The following VAMP5 variants were observed in gnomAD, a reference collection of about 807,000 sequenced individuals.
The protein encoded by VAMP5 is vesicle associated membrane protein 5.
Under a neutral mutation model 8.1 loss-of-function variants are expected in VAMP5, and 10 were observed. The observed-to-expected ratio is 1.23, with a 90% CI of 0.76 to 2.09. The LOEUF is 2.09. Among genes scored for constraint, VAMP5 ranks in the 30% most tolerant of loss-of-function variants. The pLI, the probability that VAMP5 is intolerant of heterozygous loss-of-function variation, is 0.00. For missense variants in VAMP5, 135 were observed against 152.5 expected, an observed-to-expected ratio of 0.89 and a Z score of 0.60; for synonymous variants, 62 against 60.6, an observed-to-expected ratio of 1.02 and a Z score of -0.11.
At chr2:85,591,566 C>T in intron 1 of VAMP5, 159 bp from the exon 2 acceptor site, 1 of 1,139,938 alleles carries the variant, frequency 8.8e-7, no homozygotes, top group Non-Finnish European at 1.2e-6. Flanking sequence ...CCCCGAAGGC[C>T]AGACCTTCAC....
At chr2:85,590,666 C>T (rs1003415569) in intron 1 of VAMP5, among the ~76,000 whole-genome samples, 3 of 152,162 alleles carry the variant, frequency 2.0e-5, no homozygotes, top group African/African-American at 7.2e-5. Flanking sequence ...GAAGCTTGCC[C>T]TTCTTGTAAG....
chr2:85,589,458 C>T (rs1672509405), intron 1 of VAMP5, among the ~76,000 whole-genome samples: 2 of 152,212 alleles, frequency 1.3e-5, no homozygotes, highest in African/African-American at 4.8e-5. Context: ...CAGATTACAG[C>T]TGGAAGCACA....
At chr2:85,590,753 G>T (rs1464926426) in intron 1 of VAMP5, among the ~76,000 whole-genome samples, 1 of 152,120 alleles carries the variant, frequency 6.6e-6, no homozygotes, top group African/African-American at 2.4e-5. Flanking sequence ...TAATCCACTG[G>T]TATTCATCTC....
intron 1 of VAMP5, among the ~76,000 whole-genome samples, chr2:85,587,531 C>T (rs1037405029): frequency 2.6e-4 from 39 of 151,156 alleles, no homozygotes; most frequent in African/African-American, 9.0e-4. Flanking sequence ...GGATTACAGG[C>T]GTGAGCCACC....
chr2:85,588,398 G>A (rs1672493421), intron 1 of VAMP5, among the ~76,000 whole-genome samples: 1 of 152,118 alleles, frequency 6.6e-6, no homozygotes, highest in Admixed American at 6.5e-5. Flanking sequence ...CCACTCTCTG[G>A]CAATTACACA....
At chr2:85,590,452 T>C (rs919432487) in intron 1 of VAMP5, among the ~76,000 whole-genome samples, 2 of 152,114 alleles carry the variant, frequency 1.3e-5, no homozygotes, top group Non-Finnish European at 2.9e-5. Flanking sequence ...GCTGGGGAGA[T>C]AGGACTCATA....
chr2:85,592,892 TC>T, intron 2 of VAMP5, 55 bp from the exon 3 acceptor site: 1 of 1,595,180 alleles, frequency 6.3e-7, no homozygotes, highest in East Asian at 2.2e-5. Flanking sequence ...AGGAGCTGGC[TC>T]CCAGGCCAAG....
At position 85,593,058 on chromosome 2, in the gene VAMP5, C is replaced by T. The variant is rs1036312006; in HGVS notation, c.252C>T (p.Ile84=). 1 of 1,614,222 alleles carries T rather than the reference C, an allele frequency of 6.2e-7. No homozygotes were observed. Among genetic ancestry groups the T allele is most frequent in the Non-Finnish European group, 8.5e-7 (1 of 1,180,040 alleles). The change falls in exon 3 of 3, where the codon ATC becomes ATT. Residue 84 remains isoleucine (I), a synonymous_variant. Transcript: ENST00000306384. ...TGGTGGTTGGTGTCCTGCTCATCAT[C>T]CTGATTGTGCTGCTGGTCGTCTTTC... ...GLVVVGVLLI[I]LIVLLVVFLP... is the part of the protein sequence containing the mutation.
In VAMP5 at chr2:85,584,478, G is replaced by A. The variant is rs1052625370; in HGVS notation, c.-13G>A. On this transcript the variant is annotated 5_prime_UTR_variant, in exon 1 of 3. Coordinates refer to ENST00000306384, the MANE Select transcript of VAMP5 (RefSeq NM_006634.3). ...AGAAGCCGGGAGCGGGCGAGGCGGC[G>A]GCGGCAGCAGCGATGGTGAGGGCCC... The A allele has an allele frequency of 1.3e-4, 161 of 1,243,082 alleles. 1 individual carries two copies. Among genetic ancestry groups the A allele is most frequent in the African/African-American group, 1.9e-4 (12 of 64,464 alleles). The allele number at this position is 1,243,082 out of a possible 1,614,324, so 77.0% of individuals were successfully genotyped here.
chr2:85,588,022 A>G, intron 1 of VAMP5, among the ~76,000 whole-genome samples: 1 of 151,848 alleles, frequency 6.6e-6, no homozygotes, highest in Non-Finnish European at 1.5e-5. Flanking sequence ...ACAGGGTCTC[A>G]CTCCTTTGCC....
At chr2:85,585,730 G>GGA (rs1325716138) in intron 1 of VAMP5, among the ~76,000 whole-genome samples, 1 of 152,216 alleles carries the variant, frequency 6.6e-6, no homozygotes, top group African/African-American at 2.4e-5. Flanking sequence ...AGTCTGTGGA[G>GGA]GAGAGGCTGG....
chr2:85,588,255 G>T (rs1013987344), intron 1 of VAMP5, among the ~76,000 whole-genome samples: 2 of 152,178 alleles, frequency 1.3e-5, no homozygotes, highest in African/African-American at 4.8e-5. Context: ...AGATGGTGTG[G>T]TTTTGAGAAC....
At chr2:85,588,444 C>G (rs1672493769) in intron 1 of VAMP5, among the ~76,000 whole-genome samples, 1 of 152,134 alleles carries the variant, frequency 6.6e-6, no homozygotes, top group African/African-American at 2.4e-5. Context: ...AAATTCCAAG[C>G]CCTGCAGGCT....
Position 85,584,451 on chromosome 2 carries a change from A to G in VAMP5, c.-40A>G, listed in dbSNP as rs1672433141. 2 of 1,244,240 alleles carry G rather than the reference A, an allele frequency of 1.6e-6. No homozygotes were observed. The highest frequency in any genetic ancestry group is 1.6e-5 in the African/African-American group (1 of 64,480). The allele number at this position is 1,244,240 out of a possible 1,614,324, so 77.1% of individuals were successfully genotyped here. A position where few individuals can be genotyped will look rare whatever the true frequency, so the allele number is the denominator to read the frequency against. ...CTGGCACTGCGGCCGCTCCGCAGGCAGAGAAGCCGGGAGCGGGCGAGGCGG... is the reference window on the plus strand; with the variant it reads ...CTGGCACTGCGGCCGCTCCGCAGGCGGAGAAGCCGGGAGCGGGCGAGGCGG... On this transcript the variant is annotated 5_prime_UTR_variant, in exon 1 of 3. Coordinates refer to ENST00000306384, the MANE Select transcript of VAMP5 (RefSeq NM_006634.3).
At chr2:85,585,623 T>G (rs55971080) in intron 1 of VAMP5, among the ~76,000 whole-genome samples, 1 of 152,004 alleles carries the variant, frequency 6.6e-6, no homozygotes, top group South Asian at 2.1e-4. Context: ...CTTAGCTCTT[T>G]GGGAGAAGCT....
rs1491280559 is a variant in VAMP5, at chr2:85,592,801, A to AAAAAAAAAAAAAAG, written c.142-134_142-133insGAAAAAAAAAAAAA. ...GGGTGACAGGGAGAGACTCCTTCTC[A>AAAAAAAAAAAAAAG]AAAAAAAAAAAAAAAGAAAGAAAGT... On this transcript the variant is annotated intron_variant, in intron 2 of 2. Transcript: ENST00000306384. 2 of 166,410 alleles carry AAAAAAAAAAAAAAG rather than the reference A, an allele frequency of 1.2e-5. 1 individual carries two copies. Among genetic ancestry groups the AAAAAAAAAAAAAAG allele is most frequent in the Non-Finnish European group, 2.0e-5 (2 of 101,544 alleles). The allele number at this position is 166,410 out of a possible 1,614,324, so 10.3% of individuals were successfully genotyped here.
intron 1 of VAMP5, among the ~76,000 whole-genome samples, chr2:85,590,775 C>T (rs1672527860): frequency 6.6e-6 from 1 of 152,114 alleles, no homozygotes; most frequent in Admixed American, 6.5e-5. Flanking sequence ...CTGAAATGTC[C>T]CTGCTCCTAG....
chr2:85,587,523 A>G (rs1347743756), intron 1 of VAMP5, among the ~76,000 whole-genome samples: 1 of 151,862 alleles, frequency 6.6e-6, no homozygotes, highest in Non-Finnish European at 1.5e-5. Context: ...AAGTGCTGGG[A>G]TTACAGGCGT....
chr2:85,593,341 C>A lies in VAMP5; in HGVS notation c.*184C>A. On this transcript the variant is annotated 3_prime_UTR_variant, in exon 3 of 3. Coordinates refer to ENST00000306384, the MANE Select transcript of VAMP5 (RefSeq NM_006634.3). ...CTTGAGGGCAGCCTGCTGTACTGGC[C>A]ATGCTGGGCCAGCCCCACCTGGAGC... is the stretch of plus-strand genomic sequence containing the variant. 1.5e-6 allele frequency: 1 copy of A among 654,816 alleles called. No homozygotes were observed. Among genetic ancestry groups the A allele is most frequent in the Non-Finnish European group, 2.6e-6 (1 of 380,180 alleles). 40.6% of individuals were successfully genotyped at this position (654,816 alleles called of 1,614,324 possible).
Sources: allele counts gnomAD v4.1 joint callset (sites outside exome capture counted in the v4.1 genomes callset), GRCh38; gene constraint gnomAD v4.1.1; transcripts MANE v1.5; gene names NCBI Gene and HGNC (gene_info 2026-07-23, HGNC 2026-07-21).